USP28: variants seen among roughly 807,000 people sequenced by gnomAD.
USP28 encodes the protein ubiquitin specific peptidase 28.
In USP28, 113 loss-of-function variants were observed where a neutral mutation model predicts 145.0. The ratio of observed to expected loss-of-function variants is 0.78; its 90% CI spans 0.67 to 0.91. The LOEUF (loss-of-function observed/expected upper bound fraction) is 0.91, where lower values mean the gene tolerates loss of function less well. Ranked by LOEUF, USP28 falls within the 40% of genes least tolerant of loss-of-function variation. The pLI is 0.00. For missense variants in USP28, 1,201 were observed against 1,289.6 expected, an observed-to-expected ratio of 0.93 and a Z score of 1.05; for synonymous variants, 447 against 450.9, an observed-to-expected ratio of 0.99 and a Z score of 0.11.
At chr11:113,831,802 C>A in intron 8 of USP28, 118 bp downstream of exon 8, 3 of 895,654 alleles carry the variant, frequency 3.3e-6, no homozygotes, top group Non-Finnish European at 5.1e-6. Flanking sequence ...AGTGGTTATC[C>A]CAGGAGGTAT....
intron 1 of USP28, among the ~76,000 whole-genome samples, chr11:113,869,180 C>A (rs1948578177): frequency 6.6e-6 from 1 of 152,162 alleles, no homozygotes. Flanking sequence ...CGCCTATAAT[C>A]CCAGCACTTT....
At chr11:113,802,989 A>T (rs1197241369) in intron 23 of USP28, among the ~76,000 whole-genome samples, 169 bp downstream of exon 24, 2 of 152,236 alleles carry the variant, frequency 1.3e-5, no homozygotes, top group East Asian at 3.9e-4. Flanking sequence ...ACATTCACTA[A>T]AAGTAACTGA....
intron 12 of USP28, chr11:113,821,636 G>A (rs1942618427): frequency 1.1e-5 from 2 of 190,028 alleles, no homozygotes; most frequent in South Asian, 2.1e-4. Flanking sequence ...CACTGCTGGA[G>A]GCAGCTGCCT....
chr11:113,859,382 C>T (rs191999661), intron 1 of USP28: 4 of 152,122 alleles, frequency 2.6e-5, no homozygotes, highest in Admixed American at 2.0e-4. Context: ...AAAATTGGAA[C>T]AATACAGAGA....
chr11:113,809,082 C>T (rs1940531922), exon 17 of USP28: 8 of 1,614,030 alleles, frequency 5.0e-6, no homozygotes, highest in Non-Finnish European at 6.8e-6. Flanking sequence ...TAGAGTAGTC[C>T]TGTGATGAGG....
chr11:113,834,213 A>T (rs1944323996), intron 6 of USP28, 36 bp downstream of exon 6: 34 of 1,544,714 alleles, frequency 2.2e-5, no homozygotes, highest in Non-Finnish European at 2.8e-5. Flanking sequence ...GAAAGGGACT[A>T]AACAACAGTG....
At chr11:113,852,441 C>G in intron 3 of USP28, 60 bp downstream of exon 3, 2 of 1,603,896 alleles carry the variant, frequency 1.2e-6, no homozygotes, top group Non-Finnish European at 1.7e-6. Flanking sequence ...CTCACATATA[C>G]TTGGTTTGTT....
In USP28 at chr11:113,869,466, T is replaced by C. The variant is rs11214746; in HGVS notation, c.57+5979A>G. Among the ~76,000 whole-genome samples the C allele has an allele frequency of 5.8e-3, 879 of 151,940 alleles. 4 individuals are homozygous for C. The highest frequency in any genetic ancestry group is 8.5e-3 in the Non-Finnish European group (575 of 67,956). ...AAACAAAAGTAGCCAGGTGTGGTGGTGCATACCTGTGGTCCCAGCTACTCA... is the reference window on the plus strand; with the variant it reads ...AAACAAAAGTAGCCAGGTGTGGTGGCGCATACCTGTGGTCCCAGCTACTCA... On this transcript the variant is annotated intron_variant, in intron 1 of 24. Transcript: ENST00000003302.
Position 113,853,897 on chromosome 11 carries a change from A to AG in USP28, c.135+360_135+361insC, listed in dbSNP as rs1946755837. Among the ~76,000 whole-genome samples, 7 of 150,466 alleles carry AG rather than the reference A, an allele frequency of 4.7e-5. No homozygotes were observed. In the South Asian group the frequency reaches 1.5e-3, roughly 32 times the overall value. ...CCATCTCAAAAAAAAAAAAAAGTAT[A>AG]TATATATACATACCTTAAGAATAAC... On this transcript the variant is annotated intron_variant, in intron 2 of 24. Transcript: ENST00000003302.
intron 10 of USP28, chr11:113,828,805 G>T (rs1390682400): frequency 2.5e-6 from 1 of 399,554 alleles, no homozygotes; most frequent in Non-Finnish European, 4.9e-6. Flanking sequence ...ATTGAGAACA[G>T]TAAATACTAT....
chr11:113,865,908 A>C (rs1285619495), intron 1 of USP28, among the ~76,000 whole-genome samples: 3 of 152,198 alleles, frequency 2.0e-5, no homozygotes, highest in African/African-American at 7.2e-5. Context: ...GGGCTGATGT[A>C]CTTTTCTGCA....
intron 1 of USP28, among the ~76,000 whole-genome samples, chr11:113,855,812 G>T (rs1946987182): frequency 6.6e-6 from 1 of 152,200 alleles, no homozygotes; most frequent in African/African-American, 2.4e-5. Context: ...TCAGGAGGCT[G>T]AGGCAGGAGA....
At chr11:113,857,522 A>G (rs1482244519) in intron 1 of USP28, among the ~76,000 whole-genome samples, 1 of 152,206 alleles carries the variant, frequency 6.6e-6, no homozygotes, top group African/African-American at 2.4e-5. Context: ...TGGCAAGTAA[A>G]CCATGTGGTA....
intron 13 of USP28, among the ~76,000 whole-genome samples, chr11:113,815,809 T>G (rs916678621): frequency 3.2e-4 from 49 of 152,078 alleles, no homozygotes; most frequent in Admixed American, 3.2e-3. Flanking sequence ...GTTTACAAGA[T>G]GAAGCCAACT....
At chr11:113,835,970 C>T (rs774059584) in intron 5 of USP28, among the ~76,000 whole-genome samples, 1 of 151,812 alleles carries the variant, frequency 6.6e-6, no homozygotes, top group Admixed American at 6.6e-5. Context: ...CCCAGCTGCT[C>T]GGGAGGCTGA....
intron 1 of USP28, among the ~76,000 whole-genome samples, chr11:113,864,481 T>C (rs1027571552): frequency 6.6e-6 from 1 of 152,088 alleles, no homozygotes; most frequent in Non-Finnish European, 1.5e-5. Flanking sequence ...GGTGTAGTGT[T>C]AGTGTAAGTA....
intron 1 of USP28, among the ~76,000 whole-genome samples, chr11:113,856,698 GTTTTATTTAT>G (rs1348612275): frequency 6.6e-6 from 1 of 152,094 alleles, no homozygotes; most frequent in Non-Finnish European, 1.5e-5. Context: ...ATTCTTGTAT[GTTTTATTTAT>G]TTTTATTTAT....
exon 17 of USP28, chr11:113,809,173 T>C: frequency 6.2e-7 from 1 of 1,614,230 alleles, no homozygotes; most frequent in Non-Finnish European, 8.5e-7. Flanking sequence ...AAACCGCCAG[T>C]TATCCTCCTG....
intron 2 of USP28, among the ~76,000 whole-genome samples, chr11:113,853,367 G>A (rs1163167008): frequency 1.5e-5 from 2 of 136,468 alleles, no homozygotes; most frequent in African/African-American, 5.4e-5. Flanking sequence ...GATCATTCTT[G>A]TTTTTAATGT....
Sources: allele counts gnomAD v4.1 joint callset (sites outside exome capture counted in the v4.1 genomes callset), GRCh38; gene constraint gnomAD v4.1.1; transcripts MANE v1.5; gene names NCBI Gene and HGNC (gene_info 2026-07-23, HGNC 2026-07-21).